CCDC85A: variants seen among roughly 807,000 people sequenced by gnomAD.
CCDC85A encodes coiled-coil domain containing 85A.
CCDC85A carries 38 observed loss-of-function variants against 50.2 expected under a neutral mutation model. That is an observed-to-expected ratio of 0.76 (90% CI 0.58 to 0.99). CCDC85A has a LOEUF of 0.99. Ranked by LOEUF, CCDC85A falls within the 50% of genes least tolerant of loss-of-function variation. The pLI, the probability that CCDC85A is intolerant of heterozygous loss-of-function variation, is 0.00. For synonymous variants in CCDC85A, 366 were observed against 301.4 expected (o/e 1.21, Z -2.22); for missense variants, 820 against 742.0 (o/e 1.11, Z -1.22).
chr2:56,281,991 C>T (rs1240613791), intron 2 of CCDC85A, among the ~76,000 whole-genome samples: 1 of 152,096 alleles, frequency 6.6e-6, no homozygotes, highest in Non-Finnish European at 1.5e-5. Context: ...CCTAAGAAAT[C>T]TTTGCATACT....
At chr2:56,291,598 G>C (rs986496481) in intron 2 of CCDC85A, among the ~76,000 whole-genome samples, 2 of 152,130 alleles carry the variant, frequency 1.3e-5, no homozygotes, top group African/African-American at 4.8e-5. Context: ...AGATCAGTAA[G>C]TACAAAGACC....
intron 2 of CCDC85A, among the ~76,000 whole-genome samples, chr2:56,306,721 T>A (rs1256335613): frequency 6.6e-6 from 1 of 152,216 alleles, no homozygotes; most frequent in Non-Finnish European, 1.5e-5. Flanking sequence ...GTAATTTTTC[T>A]ATCACTTGGC....
At chr2:56,339,087 G>A (rs1573294051) in intron 2 of CCDC85A, among the ~76,000 whole-genome samples, 1 of 152,192 alleles carries the variant, frequency 6.6e-6, no homozygotes, top group East Asian at 1.9e-4. Flanking sequence ...AATAGGGAAT[G>A]TGTGTTCTGA....
chr2:56,288,974 A>G (rs1671578710), intron 2 of CCDC85A, among the ~76,000 whole-genome samples: 1 of 152,206 alleles, frequency 6.6e-6, no homozygotes, highest in South Asian at 2.1e-4. Context: ...TAGTTTCACT[A>G]ACATGGCAGT....
chr2:56,247,010 A>C (rs1669540101), intron 2 of CCDC85A, among the ~76,000 whole-genome samples: 1 of 152,214 alleles, frequency 6.6e-6, no homozygotes, highest in Non-Finnish European at 1.5e-5. Context: ...TTTTTCTATG[A>C]AAATTCATAA....
At chr2:56,350,323 C>A (rs1353101957) in intron 3 of CCDC85A, among the ~76,000 whole-genome samples, 1 of 152,054 alleles carries the variant, frequency 6.6e-6, no homozygotes, top group Non-Finnish European at 1.5e-5. Context: ...ATAATCCCAG[C>A]ACTTTGGGAG....
chr2:56,222,114 G>T (rs1668352441), intron 2 of CCDC85A, among the ~76,000 whole-genome samples: 1 of 152,022 alleles, frequency 6.6e-6, no homozygotes, highest in Non-Finnish European at 1.5e-5. Context: ...TGCTTCGGGG[G>T]TTAAGTTCCC....
chr2:56,242,995 C>G (rs908094140), intron 2 of CCDC85A, among the ~76,000 whole-genome samples: 1 of 151,956 alleles, frequency 6.6e-6, no homozygotes, highest in Non-Finnish European at 1.5e-5. Context: ...GGTTTCCCAG[C>G]ACAATTTATT....
intron 2 of CCDC85A, among the ~76,000 whole-genome samples, chr2:56,254,155 G>T (rs1669884229): frequency 6.6e-6 from 1 of 152,114 alleles, no homozygotes; most frequent in South Asian, 2.1e-4. Flanking sequence ...GGCAGGGTTA[G>T]CTGGAGTAAT....
chr2:56,375,436 G>C (rs1024708748), intron 4 of CCDC85A, among the ~76,000 whole-genome samples: 7 of 152,178 alleles, frequency 4.6e-5, no homozygotes, highest in African/African-American at 1.7e-4. Context: ...TGCATATTCT[G>C]AGACATATGG....
intron 2 of CCDC85A, among the ~76,000 whole-genome samples, chr2:56,337,038 C>T (rs1324633953): frequency 6.6e-6 from 1 of 152,228 alleles, no homozygotes; most frequent in Non-Finnish European, 1.5e-5. Flanking sequence ...TCATCGCACT[C>T]TGAGCTTTAG....
intron 2 of CCDC85A, among the ~76,000 whole-genome samples, chr2:56,195,135 G>A (rs116410392): frequency 1.3e-3 from 193 of 152,326 alleles, no homozygotes; most frequent in African/African-American, 4.1e-3. Flanking sequence ...TTAGGGACAA[G>A]TGGATCACTT....
intron 2 of CCDC85A, among the ~76,000 whole-genome samples, chr2:56,217,359 C>A (rs1668111683): frequency 6.6e-6 from 1 of 151,872 alleles, no homozygotes; most frequent in African/African-American, 2.4e-5. Flanking sequence ...GGAGGAGGAG[C>A]ACCTTGCATT....
intron 2 of CCDC85A, among the ~76,000 whole-genome samples, chr2:56,233,858 C>G (rs1460448742): frequency 5.3e-5 from 8 of 152,032 alleles, no homozygotes; most frequent in African/African-American, 1.9e-4. Context: ...TGAATTGATT[C>G]CATTTTGTTG....
intron 2 of CCDC85A, among the ~76,000 whole-genome samples, chr2:56,295,136 T>C (rs1444768370): frequency 8.5e-5 from 13 of 152,088 alleles, no homozygotes; most frequent in Non-Finnish European, 1.5e-5. Flanking sequence ...TTTTGGATTT[T>C]TTTTTAATTT....
chr2:56,367,468 T>C (rs1675854043), intron 3 of CCDC85A, among the ~76,000 whole-genome samples: 2 of 152,166 alleles, frequency 1.3e-5, no homozygotes, highest in African/African-American at 4.8e-5. Flanking sequence ...AATTTTGCTT[T>C]GTAGTTTCCC....
intron 3 of CCDC85A, among the ~76,000 whole-genome samples, chr2:56,359,309 T>G (rs1370212917): frequency 6.6e-6 from 1 of 152,206 alleles, no homozygotes; most frequent in African/African-American, 2.4e-5. Flanking sequence ...GAGAACTTTT[T>G]GGAGACCAGG....
intron 2 of CCDC85A, among the ~76,000 whole-genome samples, chr2:56,260,451 G>A (rs1369102758): frequency 6.6e-6 from 1 of 152,172 alleles, no homozygotes; most frequent in Non-Finnish European, 1.5e-5. Flanking sequence ...AAACTTTAGT[G>A]GAGCAAATTT....
At chr2:56,247,670 A>C (rs899802623) in intron 2 of CCDC85A, among the ~76,000 whole-genome samples, 5 of 152,246 alleles carry the variant, frequency 3.3e-5, no homozygotes, top group Non-Finnish European at 5.9e-5. Flanking sequence ...AAAATGTGAA[A>C]TGGAAAAGAC....
Sources: allele counts gnomAD v4.1 joint callset (sites outside exome capture counted in the v4.1 genomes callset), GRCh38; gene constraint gnomAD v4.1.1; transcripts MANE v1.5; gene names NCBI Gene and HGNC (gene_info 2026-07-23, HGNC 2026-07-21).